The following HMCN1 variants were observed in gnomAD, a reference collection of about 807,000 sequenced individuals.
HMCN1 encodes the protein hemicentin 1, also known as hemicentin-1.
Under a neutral mutation model 625.9 loss-of-function variants are expected in HMCN1, and 321 were observed. The observed-to-expected ratio is 0.51, with a 90% CI of 0.47 to 0.56. The LOEUF (loss-of-function observed/expected upper bound fraction) is 0.56. Ranked by LOEUF, HMCN1 falls within the 20% of genes least tolerant of loss-of-function variation. The probability of loss-of-function intolerance (pLI) is 0.00; values close to 1 mark genes in which losing one functional copy is unlikely to be tolerated. For missense variants in HMCN1, 6,588 were observed against 6,887.3 expected, an observed-to-expected ratio of 0.96 and a Z score of 1.54; for synonymous variants, 2,425 against 2,417.6, an observed-to-expected ratio of 1.00 and a Z score of -0.09.
At chr1:186,180,394 T>G (rs1413651527) in intron 104 of HMCN1, among the ~76,000 whole-genome samples, 3 of 152,158 alleles carry the variant, frequency 2.0e-5, no homozygotes, top group Non-Finnish European at 4.4e-5. Context: ...GACAAGCACT[T>G]TCTTTTGTTC....
chr1:186,084,021 A>G (rs1430046789), intron 57 of HMCN1, among the ~76,000 whole-genome samples: 1 of 152,182 alleles, frequency 6.6e-6, no homozygotes, highest in East Asian at 1.9e-4. Context: ...ATTGGAAAAT[A>G]AAATACTGAT....
Position 186,052,956 on chromosome 1 carries a change from C to G in HMCN1, c.6582C>G (p.Pro2194=). The change falls in exon 43 of 107, where the codon CCC becomes CCG. Residue 2194 remains proline (P), a synonymous_variant. Coordinates refer to ENST00000271588, the MANE Select transcript of HMCN1 (RefSeq NM_031935.3). The part of the protein sequence containing the change: ...EKNYNVNIWV[P]PNIGGSDELT... The stretch of plus-strand genomic sequence containing the variant: ...CATATTTTTATTTTTTTCTAGTCCC[C>G]CCAAATATTGGTGGTTCTGATGAAC... 1 of 1,602,792 alleles carries G rather than the reference C, an allele frequency of 6.2e-7. No individual in the cohort carries two copies. The highest frequency in any genetic ancestry group is 8.5e-7 in the Non-Finnish European group (1 of 1,170,692).
intron 34 of HMCN1, among the ~76,000 whole-genome samples, chr1:186,019,161 G>C (rs1291174690): frequency 6.6e-6 from 1 of 152,028 alleles, no homozygotes; most frequent in Non-Finnish European, 1.5e-5. Flanking sequence ...CAGCCTTGCA[G>C]GGGGCAGAGT....
chr1:186,136,626 T>C (rs1450340592), intron 86 of HMCN1, 42 bp from the exon 87 acceptor site: 1 of 1,602,526 alleles, frequency 6.2e-7, no homozygotes, highest in Non-Finnish European at 8.5e-7. Flanking sequence ...AAAAATGCTG[T>C]AACTCCACAA....
At chr1:185,865,007 A>G (rs1353492716) in intron 3 of HMCN1, among the ~76,000 whole-genome samples, 2 of 152,248 alleles carry the variant, frequency 1.3e-5, no homozygotes, top group African/African-American at 4.8e-5. Context: ...GCTGCATGAC[A>G]AACTTTTCAA....
chr1:185,910,737 A>AT (rs773843339), intron 5 of HMCN1, among the ~76,000 whole-genome samples: 107 of 151,804 alleles, frequency 7.0e-4, no homozygotes, highest in Middle Eastern at 6.8e-3. Flanking sequence ...CGCCTGGCTA[A>AT]TTTTTGTATT....
intron 15 of HMCN1, among the ~76,000 whole-genome samples, chr1:185,971,500 G>A (rs764697839): frequency 2.6e-5 from 4 of 152,076 alleles, no homozygotes; most frequent in Non-Finnish European, 5.9e-5. Flanking sequence ...TAATATTTGT[G>A]TCACTTAGAA....
chr1:185,779,815 G>T (rs1169381553), intron 1 of HMCN1, among the ~76,000 whole-genome samples: 1 of 152,192 alleles, frequency 6.6e-6, no homozygotes, highest in Non-Finnish European at 1.5e-5. Context: ...GTTTAGGATT[G>T]TCTTGGCAAT....
chr1:185,801,510 T>C (rs1275395382), intron 1 of HMCN1, among the ~76,000 whole-genome samples: 2 of 152,146 alleles, frequency 1.3e-5, no homozygotes, highest in African/African-American at 4.8e-5. Context: ...CCAGATGAAG[T>C]CCCTTCTCAC....
chr1:185,856,444 C>T (rs998192972), intron 2 of HMCN1, among the ~76,000 whole-genome samples: 5 of 149,992 alleles, frequency 3.3e-5, no homozygotes, highest in African/African-American at 9.8e-5. Context: ...AGTGAGATCG[C>T]GCCACTGCAC....
chr1:185,886,148 C>G (rs1664633171), intron 4 of HMCN1, among the ~76,000 whole-genome samples: 1 of 151,868 alleles, frequency 6.6e-6, no homozygotes, highest in African/African-American at 2.4e-5. Context: ...CAGTGTTCTT[C>G]CAATAGAATA....
chr1:186,151,537 T>C, intron 94 of HMCN1, 69 bp from the exon 95 acceptor site: 2 of 1,455,298 alleles, frequency 1.4e-6, no homozygotes, highest in Non-Finnish European at 1.9e-6. Context: ...TTGTGAATAA[T>C]ATGCTATGAA....
At chr1:185,756,478 T>TAA (rs549588321) in intron 1 of HMCN1, among the ~76,000 whole-genome samples, 2 of 126,642 alleles carry the variant, frequency 1.6e-5, no homozygotes, top group Non-Finnish European at 3.4e-5. Context: ...GACCTCAGGG[T>TAA]AAAAAAAAAA....
At chr1:186,066,615 C>T (rs148381206) in intron 49 of HMCN1, among the ~76,000 whole-genome samples, 15 of 152,302 alleles carry the variant, frequency 9.8e-5, no homozygotes, top group Non-Finnish European at 1.8e-4. Context: ...AAAACAGGCT[C>T]TGTCTGACAC....
At chr1:186,152,652 C>T in intron 95 of HMCN1, 98 bp from the exon 96 acceptor site, 1 of 1,476,366 alleles carries the variant, frequency 6.8e-7, no homozygotes, top group South Asian at 1.1e-5. Flanking sequence ...AGTTTGAACT[C>T]AAAAAGCATA....
intron 57 of HMCN1, 140 bp downstream of exon 57, chr1:186,083,101 C>T (rs1571325240): frequency 2.4e-6 from 1 of 416,678 alleles, no homozygotes; most frequent in Non-Finnish European, 4.4e-6. Flanking sequence ...CCCCTCTCTT[C>T]TTTCTTTCCA....
chr1:185,813,564 A>T (rs996411577), intron 1 of HMCN1, among the ~76,000 whole-genome samples: 1 of 152,180 alleles, frequency 6.6e-6, no homozygotes, highest in African/African-American at 2.4e-5. Flanking sequence ...TGGATCTGTC[A>T]GTACCAGCAG....
At chr1:185,847,706 G>T (rs968445774) in intron 2 of HMCN1, among the ~76,000 whole-genome samples, 2 of 152,076 alleles carry the variant, frequency 1.3e-5, no homozygotes, top group Non-Finnish European at 2.9e-5. Context: ...TCCCAGTGCT[G>T]CTTTGGGAGG....
chr1:185,902,406 T>TAC (rs926860230), intron 4 of HMCN1, among the ~76,000 whole-genome samples: 30 of 59,214 alleles, frequency 5.1e-4, no homozygotes, highest in African/African-American at 3.3e-3. Flanking sequence ...TCTATCTATC[T>TAC]CTATCTATCT....
Sources: allele counts gnomAD v4.1 joint callset (sites outside exome capture counted in the v4.1 genomes callset), GRCh38; gene constraint gnomAD v4.1.1; transcripts MANE v1.5; gene names NCBI Gene and HGNC (gene_info 2026-07-23, HGNC 2026-07-21).